Variants in RPA1 observed in about 807,000 individuals in gnomAD.
The protein encoded by RPA1 is replication protein A 70 kDa DNA-binding subunit.
A neutral mutation model predicts 83.0 loss-of-function variants in RPA1; 49 were observed. The ratio of observed to expected loss-of-function variants is 0.59; its 90% CI spans 0.47 to 0.75. RPA1 has a LOEUF of 0.75. RPA1 is among the 30% of genes least tolerant of loss of function. The pLI is 0.00. For missense variants in RPA1, 693 were observed against 776.1 expected (o/e 0.89, Z 1.27); for synonymous variants, 279 against 281.8 (o/e 0.99, Z 0.10).
chr17:1,897,326 A>C lies in RPA1; in HGVS notation c.*151A>C. ...TTTCCCCCCTCGTGCGCATCTCAGA[A>C]CCCATCGGTAGGCAAAGGAAAATAC... On this transcript the variant is annotated 3_prime_UTR_variant, in exon 17 of 17. Coordinates refer to ENST00000254719, the MANE Select transcript of RPA1 (RefSeq NM_002945.5). 1 of 620,438 alleles carries C rather than the reference A, an allele frequency of 1.6e-6. No individual in the cohort carries two copies. The allele number at this position is 620,438 out of a possible 1,614,324, so 38.4% of individuals were successfully genotyped here.
intron 6 of RPA1, among the ~76,000 whole-genome samples, chr17:1,873,950 G>A (rs1243088366): frequency 2.9e-5 from 4 of 138,540 alleles, no homozygotes; most frequent in Non-Finnish European, 6.0e-5. Context: ...CCAAGTTTGC[G>A]CCAGTGCCCT....
In RPA1 at chr17:1,888,632, G is replaced by A. The variant is rs375592318; in HGVS notation, c.1375-43G>A. ...GCTGCCTCTCGGTCCGATCCTGGGCGGGCTCGCGACTCCGTGCCTCATGCT... is the reference window on the plus strand; with the variant it reads ...GCTGCCTCTCGGTCCGATCCTGGGCAGGCTCGCGACTCCGTGCCTCATGCT... On this transcript the variant is annotated intron_variant, in intron 13 of 16. Coordinates refer to ENST00000254719, the MANE Select transcript of RPA1 (RefSeq NM_002945.5). 2.7e-5 allele frequency: 42 copies of A among 1,571,590 alleles called. No homozygotes were observed. The East Asian group carries it at 3.6e-4, about 14-fold the overall frequency.
At position 1,879,228 on chromosome 17, in the gene RPA1, C is replaced by T. The variant is rs184685598; in HGVS notation, c.773C>T (p.Ser258Leu). Reference sequence around the variant, plus strand: ...CCTCCTTCGCAGGTGTATTATTTCTCGAAAGGCACCCTGAAGATTGCTAAC... The same window carrying T: ...CCTCCTTCGCAGGTGTATTATTTCTTGAAAGGCACCCTGAAGATTGCTAAC... ...LIEVNKVYYFSKGTLKIANKQ... is the reference protein window; with the variant it reads ...LIEVNKVYYFLKGTLKIANKQ... The change falls in exon 10 of 17, where the codon TCG (serine) becomes TTG (leucine). Residue 258 changes from serine (S) to leucine (L), a missense_variant. Coordinates refer to ENST00000254719, the MANE Select transcript of RPA1 (RefSeq NM_002945.5). The T allele has an allele frequency of 2.1e-5, 34 of 1,613,676 alleles. No individual in the cohort carries two copies. The Admixed American group carries it at 2.3e-4, about 11-fold the overall frequency.
rs1313310313 is a variant in RPA1, at chr17:1,879,547, G to A, written c.953-13G>A. 6.2e-7 allele frequency: 1 copy of A among 1,614,066 alleles called. No homozygotes were observed. Among genetic ancestry groups the A allele is most frequent in the Non-Finnish European group, 8.5e-7 (1 of 1,180,042 alleles). ...TCTTGACCACCTCCTGCTAACACGT[G>A]CATGTGTTTTAGACATCATCGGGAT... On this transcript the variant is annotated splice_polypyrimidine_tract_variant and intron_variant, in intron 10 of 16. Coordinates refer to ENST00000254719, the MANE Select transcript of RPA1 (RefSeq NM_002945.5).
At chr17:1,858,556 C>T (rs1291463615) in intron 5 of RPA1, 18 of 660,766 alleles carry the variant, frequency 2.7e-5, no homozygotes, top group Non-Finnish European at 3.5e-5. Context: ...CTCCGCCTCC[C>T]GGGTTCAAGC....
intron 1 of RPA1, among the ~76,000 whole-genome samples, chr17:1,839,316 A>T (rs1911948926): frequency 6.6e-6 from 1 of 151,066 alleles, no homozygotes; most frequent in African/African-American, 2.4e-5. Context: ...CTCCAGCTTC[A>T]TTTTTATTTT....
intron 5 of RPA1, among the ~76,000 whole-genome samples, chr17:1,871,298 T>G (rs12150513): frequency 0.32 from 49,052 of 152,164 alleles, 10,039 homozygotes; most frequent in Non-Finnish European, 0.47. Context: ...TTTATTTTAC[T>G]CTAATGGCAC....
rs17292154 is a variant in RPA1 at position 1,880,791 on chromosome 17, G to C, written c.1241+100G>C. On this transcript the variant is annotated intron_variant, in intron 12 of 16. Coordinates refer to ENST00000254719, the MANE Select transcript of RPA1 (RefSeq NM_002945.5). ...AGCTTTCTGCCAAGCAGAAGCCTTC[G>C]TCCCTGAGTGGTGCAGCTTCCGTGT... is the stretch of plus-strand genomic sequence containing the variant. 6.7e-6 allele frequency: 10 copies of C among 1,484,206 alleles called. No homozygotes were observed. The East Asian group carries it at 2.1e-4, about 30-fold the overall frequency. The allele number at this position is 1,484,206 out of a possible 1,614,324, so 91.9% of individuals were successfully genotyped here.
chr17:1,879,433 G>A lies in RPA1; in HGVS notation c.952+26G>A, dbSNP rs144321873. 115 of 1,612,500 alleles carry A rather than the reference G, an allele frequency of 7.1e-5. No individual in the cohort carries two copies. In the Middle Eastern group the frequency reaches 9.9e-4, roughly 14 times the overall value. On this transcript the variant is annotated intron_variant, in intron 10 of 16. Coordinates refer to ENST00000254719, the MANE Select transcript of RPA1 (RefSeq NM_002945.5). ...GTAAGCTCGTGTATGAGAAGGAAGA[G>A]CAGGGATGACTAGCTTTCTTTGCAG...
Position 1,853,089 on chromosome 17 carries a change from C to G in RPA1, c.273-12C>G, listed in dbSNP as rs780729487. On this transcript the variant is annotated splice_polypyrimidine_tract_variant and intron_variant, in intron 4 of 16. Transcript: ENST00000254719. ...GTTTTTCTAACCTGTTTCTGTTTGT[C>G]TGCTTTTGCAGGAGAGTAGTTATCT... 2 of 1,612,244 alleles carry G rather than the reference C, an allele frequency of 1.2e-6. No individual in the cohort carries two copies. The highest frequency in any genetic ancestry group is 1.7e-5 in the Admixed American group (1 of 59,906).
intron 8 of RPA1, 31 bp from the exon 9 acceptor site, chr17:1,878,962 G>A (rs768159596): frequency 3.1e-6 from 5 of 1,612,708 alleles, no homozygotes; most frequent in Non-Finnish European, 3.4e-6. Context: ...GTTCAATCCC[G>A]CAGCCCTAAC....
intron 5 of RPA1, among the ~76,000 whole-genome samples, chr17:1,854,875 G>A (rs1428275398): frequency 1.3e-5 from 2 of 152,116 alleles, no homozygotes; most frequent in Non-Finnish European, 2.9e-5. Context: ...CACTATAGAA[G>A]GAAAACAAAT....
chr17:1,845,895 T>C (rs1289254646), intron 4 of RPA1, among the ~76,000 whole-genome samples: 1 of 152,184 alleles, frequency 6.6e-6, no homozygotes, highest in Non-Finnish European at 1.5e-5. Flanking sequence ...ATCACGCCAC[T>C]GCACTCCAGG....
At position 1,884,615 on chromosome 17, in the gene RPA1, C is replaced by T. The variant is rs1258547750; in HGVS notation, c.1374+671C>T. ...CATATACAGTGTAGGTTTCATTCCT[C>T]CTGTCTCATTTCACTGTATACCCTT... On this transcript the variant is annotated intron_variant, in intron 13 of 16. Coordinates refer to ENST00000254719, the MANE Select transcript of RPA1 (RefSeq NM_002945.5). The surrounding 1 kb of genome is among the most constrained non-coding windows in gnomAD (Gnocchi z 4.1). 2.0e-5 allele frequency among the ~76,000 whole-genome samples: 3 copies of T among 152,196 alleles called. No homozygotes were observed. The highest frequency in any genetic ancestry group is 4.4e-5 in the Non-Finnish European group (3 of 68,040).
chr17:1,890,126 T>TGAGGC (rs1914150311), intron 14 of RPA1, among the ~76,000 whole-genome samples: 1 of 152,152 alleles, frequency 6.6e-6, no homozygotes, highest in Non-Finnish European at 1.5e-5. Context: ...CCCCAGCACT[T>TGAGGC]TGGAAGGCTG....
chr17:1,879,966 A>G (rs1168922101), intron 11 of RPA1, among the ~76,000 whole-genome samples: 1 of 140,220 alleles, frequency 7.1e-6, no homozygotes. Context: ...GTCTTGTCCT[A>G]TAGGATGGGG....
intron 1 of RPA1, 45 bp downstream of exon 1, chr17:1,830,171 G>T (rs1911478598): frequency 8.1e-7 from 1 of 1,229,012 alleles, no homozygotes; most frequent in African/African-American, 1.6e-5. Flanking sequence ...GGGTGGCTGC[G>T]GCCCCGAGCC....
Position 1,880,626 on chromosome 17 carries a change from C to T in RPA1, c.1176C>T (p.Ser392=), listed in dbSNP as rs375509437. The T allele has an allele frequency of 3.0e-4, 481 of 1,613,912 alleles. No individual in the cohort carries two copies. The highest frequency in any genetic ancestry group is 3.7e-4 in the Non-Finnish European group (433 of 1,180,018). ...RVSDFGGRSL[S]VLSSSTIIAN... ...CTGATTTCGGTGGACGGAGCCTCTC[C>T]GTGCTGTCTTCAAGCACTATCATTG... The change falls in exon 12 of 17, where the codon TCC becomes TCT. Residue 392 remains serine (S), a synonymous_variant. Coordinates refer to ENST00000254719, the MANE Select transcript of RPA1 (RefSeq NM_002945.5).
chr17:1,874,213 T>A (rs1040929024), intron 6 of RPA1, among the ~76,000 whole-genome samples: 4 of 151,774 alleles, frequency 2.6e-5, no homozygotes, highest in Non-Finnish European at 5.9e-5. Context: ...AATATATTTT[T>A]AAAAATCTGG....
Sources: allele counts gnomAD v4.1 joint callset (sites outside exome capture counted in the v4.1 genomes callset), GRCh38; gene constraint gnomAD v4.1.1; non-coding constraint Gnocchi (gnomAD v3.1); transcripts MANE v1.5; gene names NCBI Gene and HGNC (gene_info 2026-07-23, HGNC 2026-07-21).